The following COL23A1 variants were observed in gnomAD, a reference collection of about 807,000 sequenced individuals.
COL23A1 encodes the protein collagen type XXIII alpha 1 chain.
Under a neutral mutation model 99.3 loss-of-function variants are expected in COL23A1, and 97 were observed. That is an observed-to-expected ratio of 0.98 (90% CI 0.83 to 1.16). COL23A1 has a LOEUF of 1.16. COL23A1 is among the 50% of genes most tolerant of loss of function. COL23A1 has a pLI of 0.00. For missense variants in COL23A1, 762 were observed against 757.4 expected (o/e 1.01, Z -0.07); for synonymous variants, 320 against 308.2 (o/e 1.04, Z -0.40).
chr5:178,564,637 T>A (rs1277664898), intron 1 of COL23A1, among the ~76,000 whole-genome samples: 3 of 152,138 alleles, frequency 2.0e-5, no homozygotes, highest in African/African-American at 7.2e-5. Context: ...CTAGAAGTAC[T>A]GGGAAGGAGA....
chr5:178,361,561 C>T (rs190916019), intron 2 of COL23A1, among the ~76,000 whole-genome samples: 1 of 152,212 alleles, frequency 6.6e-6, no homozygotes, highest in Admixed American at 6.5e-5. Flanking sequence ...CACCTTCAAC[C>T]CAACCCCTGG....
rs1280389013 is a variant in COL23A1, at chr5:178,306,362, G to A, written c.406+513C>T. 6.6e-6 allele frequency among the ~76,000 whole-genome samples: 1 copy of A among 152,028 alleles called. No homozygotes were observed. The highest frequency in any genetic ancestry group is 1.9e-4 in the East Asian group (1 of 5,180). ...GCAATCTGCTGGGGACTGGGTAGGG[G>A]GAGTTCTGGGTGAAGCAGAGACAGC... On this transcript the variant is annotated intron_variant, in intron 3 of 28. Transcript: ENST00000390654. This position sits in a 1 kb window ranked among gnomAD's most constrained non-coding sequence, Gnocchi z 4.1.
At chr5:178,372,204 C>T (rs542309872) in intron 2 of COL23A1, among the ~76,000 whole-genome samples, 5 of 152,328 alleles carry the variant, frequency 3.3e-5, no homozygotes, top group South Asian at 2.1e-4. Context: ...TGGCAGACAG[C>T]GGGGCGTGCT....
chr5:178,570,296 A>G (rs892958478), intron 1 of COL23A1, among the ~76,000 whole-genome samples: 1 of 151,886 alleles, frequency 6.6e-6, no homozygotes, highest in African/African-American at 2.4e-5. Flanking sequence ...TTTTGTAGAG[A>G]CTGGGTTTCA....
intron 2 of COL23A1, among the ~76,000 whole-genome samples, chr5:178,469,986 C>T (rs1012981608): frequency 6.6e-6 from 1 of 152,216 alleles, no homozygotes; most frequent in African/African-American, 2.4e-5. Context: ...AGTATTTCCA[C>T]CCCATTTGTC....
rs904240958 is a variant in COL23A1 at position 178,545,148 on chromosome 5, T to C, written c.361+15534A>G. On this transcript the variant is annotated intron_variant, in intron 2 of 28. Coordinates refer to ENST00000390654, the MANE Select transcript of COL23A1 (RefSeq NM_173465.4). ...TACATTCCCCACAGTATGAGGGCCA[T>C]AGAGGGGGTGGGGGGTGTTCTAGTT... 4.1e-5 allele frequency among the ~76,000 whole-genome samples: 6 copies of C among 145,734 alleles called. No individual in the cohort carries two copies. In the East Asian group the frequency reaches 1.0e-3, roughly 25 times the overall value.
chr5:178,435,319 C>T (rs1766497804), intron 2 of COL23A1, among the ~76,000 whole-genome samples: 1 of 152,192 alleles, frequency 6.6e-6, no homozygotes, highest in Admixed American at 6.5e-5. Flanking sequence ...CTGGCTCTGA[C>T]ATTTGCAAAC....
chr5:178,348,085 A>T (rs947868974), intron 2 of COL23A1, among the ~76,000 whole-genome samples: 5 of 151,640 alleles, frequency 3.3e-5, no homozygotes, highest in Non-Finnish European at 5.9e-5. Context: ...GCATGCCTCC[A>T]TGTGCCTCCT....
chr5:178,321,063 C>A (rs1236289255), intron 2 of COL23A1, among the ~76,000 whole-genome samples: 1 of 152,254 alleles, frequency 6.6e-6, no homozygotes, highest in Non-Finnish European at 1.5e-5. Context: ...ACATACCATA[C>A]AGTTCATCCA....
At position 178,487,288 on chromosome 5, in the gene COL23A1, T is replaced by TTTTATTTATTTATTTA. The variant is rs70997604; in HGVS notation, c.361+73378_361+73393dup. ...AAGGCAGTCATGGTACCAGCCTCAG[T>TTTTATTTATTTATTTA]TTTATTTATTTATTTATTTATTTAT... On this transcript the variant is annotated intron_variant, in intron 2 of 28. Coordinates refer to ENST00000390654, the MANE Select transcript of COL23A1 (RefSeq NM_173465.4). Among the ~76,000 whole-genome samples, 48 of 116,520 alleles carry TTTTATTTATTTATTTA rather than the reference T, an allele frequency of 4.1e-4. 1 individual carries two copies. The highest frequency in any genetic ancestry group is 1.1e-3 in the South Asian group (4 of 3,604). 76.4% of individuals were successfully genotyped at this position (116,520 alleles called of 152,430 possible). A position where few individuals can be genotyped will look rare whatever the true frequency, so the allele number is the denominator to read the frequency against.
At chr5:178,577,041 G>A (rs1247190060) in intron 1 of COL23A1, among the ~76,000 whole-genome samples, 1 of 152,070 alleles carries the variant, frequency 6.6e-6, no homozygotes, top group East Asian at 1.9e-4. Context: ...TACTGCTTCT[G>A]CCTGAGGACT....
At chr5:178,535,343 C>A (rs1052301281) in intron 2 of COL23A1, among the ~76,000 whole-genome samples, 3 of 152,256 alleles carry the variant, frequency 2.0e-5, no homozygotes, top group African/African-American at 7.2e-5. Context: ...GCTTCCTTAT[C>A]TACTCCAACA....
At chr5:178,549,026 C>T (rs1023819878) in intron 2 of COL23A1, among the ~76,000 whole-genome samples, 1 of 151,514 alleles carries the variant, frequency 6.6e-6, no homozygotes, top group African/African-American at 2.4e-5. Context: ...GATGGAGTCT[C>T]GCTCTGTTGC....
At chr5:178,398,136 T>C (rs914933152) in intron 2 of COL23A1, among the ~76,000 whole-genome samples, 4 of 152,150 alleles carry the variant, frequency 2.6e-5, no homozygotes, top group African/African-American at 9.7e-5. Flanking sequence ...ATGTTGGCCA[T>C]GTCAAAAGAG....
At chr5:178,248,784 A>G (rs1437411710) in intron 19 of COL23A1, among the ~76,000 whole-genome samples, 1 of 152,216 alleles carries the variant, frequency 6.6e-6, no homozygotes, top group Non-Finnish European at 1.5e-5. Flanking sequence ...CCAGGGTTCC[A>G]GAGTCAGCCG....
At chr5:178,578,593 A>C (rs1763510550) in intron 1 of COL23A1, among the ~76,000 whole-genome samples, 1 of 152,204 alleles carries the variant, frequency 6.6e-6, no homozygotes, top group African/African-American at 2.4e-5. Flanking sequence ...CTTGTTTCAC[A>C]GCTCAGAGTT....
chr5:178,322,576 C>T (rs1759385762), intron 2 of COL23A1, among the ~76,000 whole-genome samples: 1 of 115,534 alleles, frequency 8.7e-6, no homozygotes, highest in South Asian at 2.5e-4. Flanking sequence ...TGCCTGGGGG[C>T]TGCCAAACGA....
At chr5:178,371,500 A>G (rs748511460) in intron 2 of COL23A1, among the ~76,000 whole-genome samples, 7 of 152,102 alleles carry the variant, frequency 4.6e-5, no homozygotes, top group Non-Finnish European at 7.4e-5. Flanking sequence ...TCGCCCCTAC[A>G]CCTTGGCTGA....
intron 2 of COL23A1, among the ~76,000 whole-genome samples, chr5:178,360,864 G>C (rs138213693): frequency 5.3e-4 from 81 of 152,328 alleles, no homozygotes; most frequent in African/African-American, 1.9e-3. Flanking sequence ...CAATGTGATG[G>C]GAGAGAAATG....
Sources: gnomAD v4.1 joint callset for allele counts (sites outside exome capture counted in the v4.1 genomes callset) on GRCh38, gnomAD v4.1.1 for gene constraint, Gnocchi (gnomAD v3.1) non-coding constraint, MANE v1.5 for transcripts, NCBI Gene and HGNC (gene_info 2026-07-23, HGNC 2026-07-21) for gene names.